Variants in SYNPO observed in about 807,000 individuals in gnomAD.
SYNPO encodes the protein synaptopodin.
SYNPO carries 19 observed loss-of-function variants against 49.5 expected under a neutral mutation model. The observed-to-expected ratio is 0.38, with a 90% CI of 0.27 to 0.56. The LOEUF (loss-of-function observed/expected upper bound fraction) is 0.56. Ranked by LOEUF, SYNPO falls within the 20% of genes least tolerant of loss-of-function variation. The pLI is 0.68. For synonymous variants in SYNPO, 536 were observed against 548.0 expected, an observed-to-expected ratio of 0.98 and a Z score of 0.31; for missense variants, 1,131 against 1,248.3, an observed-to-expected ratio of 0.91 and a Z score of 1.42.
rs550774735 is a variant in SYNPO, at chr5:150,605,849, C to T, written c.-266+4661C>T. ...ACACATAAATATAGGCACAAACGCACGACAGTCACACAGACACACAAATAC... is the reference window on the plus strand; with the variant it reads ...ACACATAAATATAGGCACAAACGCATGACAGTCACACAGACACACAAATAC... On this transcript the variant is annotated intron_variant, in intron 1 of 2. Coordinates refer to the SYNPO transcript ENST00000394243. 1.0e-3 allele frequency among the ~76,000 whole-genome samples: 153 copies of T among 151,832 alleles called. 2 individuals carry two copies. Among genetic ancestry groups the T allele is most frequent in the African/African-American group, 3.6e-3 (147 of 41,394 alleles).
chr5:150,651,444 C>T (rs1226825162), intron 2 of SYNPO: 17 of 1,000,346 alleles, frequency 1.7e-5, no homozygotes, highest in Non-Finnish European at 1.8e-5. Flanking sequence ...TGAAGAAAGG[C>T]CTTGTAAGTG....
chr5:150,598,842 C>T (rs955907174), upstream of SYNPO, among the ~76,000 whole-genome samples: 1 of 151,968 alleles, frequency 6.6e-6, no homozygotes, highest in Non-Finnish European at 1.5e-5. Context: ...GGAGGGGTCC[C>T]CAGAGGCCTG....
the SYNPO span, among the ~76,000 whole-genome samples, chr5:150,591,145 C>T: frequency 6.6e-6 from 1 of 152,088 alleles, no homozygotes; most frequent in Non-Finnish European, 1.5e-5. Flanking sequence ...GGCCCGCAGC[C>T]CTGACTCCCG....
chr5:150,604,817 C>T (rs1192732367), intron 1 of SYNPO, among the ~76,000 whole-genome samples: 1 of 152,170 alleles, frequency 6.6e-6, no homozygotes, highest in Admixed American at 6.5e-5. Context: ...GATAGCTCTG[C>T]TGGCTTAAGG....
Position 150,650,009 on chromosome 5 carries a change from G to A in SYNPO, c.1734G>A (p.Lys578=), listed in dbSNP as rs577572429. The A allele has an allele frequency of 8.1e-6, 13 of 1,612,586 alleles. No individual in the cohort carries two copies. The African/African-American group carries it at 1.2e-4, about 15-fold the overall frequency. The change falls in exon 2 of 3, where the codon AAG becomes AAA. Residue 578 remains lysine (K), a synonymous_variant. Coordinates refer to ENST00000307662, the MANE Select transcript of SYNPO (RefSeq NM_007286.6). ...RPSLFVLSPI[K]EPAKVSPRAA... is the part of the protein sequence containing the mutation. ...CGCTCTTTGTCCTCTCACCTATCAA[G>A]GAGCCTGCCAAGGTCTCACCAAGAG... is the stretch of plus-strand genomic sequence containing the variant.
intron 1 of SYNPO, among the ~76,000 whole-genome samples, chr5:150,642,927 G>A (rs1427276744): frequency 1.3e-5 from 2 of 152,210 alleles, no homozygotes; most frequent in South Asian, 2.1e-4. Context: ...GTTGTGCATG[G>A]AGCCTCACTG....
rs370748965 is a variant in SYNPO, at chr5:150,628,864, C to T, written c.400+10097C>T. Among the ~76,000 whole-genome samples the T allele has an allele frequency of 5.3e-5, 8 of 152,308 alleles. 1 individual carries two copies. Among genetic ancestry groups the T allele is most frequent in the Admixed American group, 1.3e-4 (2 of 15,304 alleles). ...CAGAGGTTGCAGTGAGCCGAGATCG[C>T]GCCATTGCACTCCAGCCTGGGAGAC... On this transcript the variant is annotated intron_variant, in intron 2 of 2. Transcript: ENST00000394243.
At position 150,649,696 on chromosome 5, in the gene SYNPO, C is replaced by A; in HGVS notation, c.1421C>A (p.Ser474Tyr). ...KPKPKPNQNL[S>Y]EASGKGAELY... is the part of the protein sequence containing the mutation. ...AAGCCCAAACCCAACCAGAACCTCT[C>A]CGAGGCCTCTGGGAAGGGAGCTGAG... Residue 474 changes from serine (S) to tyrosine (Y), a missense_variant, in exon 2 of 3, where the codon TCC (serine) becomes TAC (tyrosine). Physicochemically the swap from Ser to Tyr is moderately radical, Grantham distance 144 (BLOSUM62 -2). Around this residue, in one of 4 missense-constraint regions of SYNPO, gnomAD observed 602 missense variants for 720.7 expected, o/e 0.84. Transcript: ENST00000307662. 1 of 1,612,026 alleles carries A rather than the reference C, an allele frequency of 6.2e-7. No homozygotes were observed.
intron 1 of SYNPO, among the ~76,000 whole-genome samples, chr5:150,602,778 C>T (rs535763548): frequency 6.6e-5 from 10 of 152,174 alleles, no homozygotes; most frequent in East Asian, 5.8e-4. Context: ...TGGCCACAAG[C>T]GATCCTTCCC....
intron 2 of SYNPO, among the ~76,000 whole-genome samples, chr5:150,628,036 CTGTGTGTGTG>C (rs3062926): frequency 0.066 from 9,389 of 142,002 alleles, 643 homozygotes; most frequent in East Asian, 0.22. Flanking sequence ...GTGTGTGTTT[CTGTGTGTGTG>C]TGTGTGTGTG....
intron 2 of SYNPO, among the ~76,000 whole-genome samples, chr5:150,632,500 AAGTT>A (rs1327277747): frequency 6.6e-6 from 1 of 152,162 alleles, no homozygotes; most frequent in African/African-American, 2.4e-5. Flanking sequence ...GTGGAGGGGT[AAGTT>A]AGAGGCACAG....
intron 2 of SYNPO, among the ~76,000 whole-genome samples, chr5:150,632,531 C>T (rs991923734): frequency 7.2e-5 from 11 of 152,038 alleles, no homozygotes; most frequent in Non-Finnish European, 1.3e-4. Flanking sequence ...TTAGGATGGG[C>T]GTCAGGAGGA....
the SYNPO span, among the ~76,000 whole-genome samples, chr5:150,588,809 TA>T: frequency 6.6e-6 from 1 of 152,014 alleles, no homozygotes; most frequent in Admixed American, 6.5e-5. Flanking sequence ...CTTTTTGACA[TA>T]AAAAAATTTG....
In SYNPO at chr5:150,656,717, G is replaced by A. The variant is rs1338935538; in HGVS notation, c.2342G>A (p.Arg781Gln). The A allele has an allele frequency of 8.6e-6, 12 of 1,399,092 alleles. No homozygotes were observed. Among genetic ancestry groups the A allele is most frequent in the Non-Finnish European group, 1.0e-5 (11 of 1,076,384 alleles). The allele number at this position is 1,399,092 out of a possible 1,614,324, so 86.7% of individuals were successfully genotyped here. The change falls in exon 3 of 3, where the codon CGG becomes CAG. Residue 781 changes from arginine to glutamine, a missense_variant. Physicochemically the swap from Arg to Gln is conservative, Grantham distance 43. Coordinates refer to ENST00000307662, the MANE Select transcript of SYNPO (RefSeq NM_007286.6). ...SPRSAGAENP[R>Q]PFSPPRAPPP... ...CGGTCGGCGGGCGCCGAGAACCCGC[G>A]GCCCTTCTCCCCGCCGAGGGCGCCA... is the stretch of plus-strand genomic sequence containing the variant.
At chr5:150,636,414 A>G (rs1467778767), upstream of SYNPO, among the ~76,000 whole-genome samples, 1 of 152,228 alleles carries the variant, frequency 6.6e-6, no homozygotes, top group African/African-American at 2.4e-5. Flanking sequence ...CCACCAGTCC[A>G]GTCCAATCCC....
At chr5:150,631,707 A>G (rs1410829640) in intron 2 of SYNPO, among the ~76,000 whole-genome samples, 1 of 152,024 alleles carries the variant, frequency 6.6e-6, no homozygotes, top group Non-Finnish European at 1.5e-5. Flanking sequence ...TGATAGTGCT[A>G]TCGACAGACC....
chr5:150,643,824 C>T (rs185748002), intron 1 of SYNPO, among the ~76,000 whole-genome samples: 64 of 152,222 alleles, frequency 4.2e-4, no homozygotes, highest in Middle Eastern at 3.4e-3. Context: ...CGAGCCACCG[C>T]GCCCGGCTGA....
At chr5:150,603,432 T>A (rs1756605990) in intron 1 of SYNPO, among the ~76,000 whole-genome samples, 1 of 152,258 alleles carries the variant, frequency 6.6e-6, no homozygotes, top group South Asian at 2.1e-4. Flanking sequence ...AGAGCTGGCA[T>A]CTTTCAGGAC....
At chr5:150,631,046 A>G (rs1447204248) in intron 2 of SYNPO, among the ~76,000 whole-genome samples, 1 of 152,164 alleles carries the variant, frequency 6.6e-6, no homozygotes, top group Non-Finnish European at 1.5e-5. Flanking sequence ...TGCAAATCCC[A>G]ATCCTGTACA....
Sources: allele counts gnomAD v4.1 joint callset (sites outside exome capture counted in the v4.1 genomes callset), GRCh38; gene constraint gnomAD v4.1.1; regional missense constraint gnomAD v4.1.1; transcripts MANE v1.5; gene names NCBI Gene and HGNC (gene_info 2026-07-23, HGNC 2026-07-21).